STS: variants seen among roughly 807,000 people sequenced by gnomAD.
STS encodes steryl-sulfatase.
STS carries 7 observed loss-of-function variants against 26.8 expected under a neutral mutation model. The ratio of observed to expected loss-of-function variants is 0.26; its 90% CI spans 0.15 to 0.49. The LOEUF is 0.49. Among genes scored for constraint, STS ranks in the 20% least tolerant of loss-of-function variants. STS has a pLI of 0.98. For missense variants in STS, 434 were observed against 465.6 expected (o/e 0.93, Z 0.63); for synonymous variants, 199 against 189.4 (o/e 1.05, Z -0.42).
chrX:7,322,791 A>C (rs1391746835), intron 8 of STS, among the ~76,000 whole-genome samples: 1 of 111,878 alleles, frequency 8.9e-6, no homozygotes, highest in Non-Finnish European at 1.9e-5. Context: ...CCATCTCAAA[A>C]TATGTCAAAG....
At chrX:7,246,447 AC>A (rs1471283621) in intron 2 of STS, among the ~76,000 whole-genome samples, 1 of 92,331 alleles carries the variant, frequency 1.1e-5, no homozygotes, top group Admixed American at 1.3e-4. Context: ...GATTACAGGT[AC>A]CCGCCACCAC....
At chrX:7,219,663 T>C (rs770260858) in intron 2 of STS, 3 of 1,210,243 alleles carry the variant, frequency 2.5e-6, no homozygotes, top group African/African-American at 1.7e-5. Flanking sequence ...AACAACAGGA[T>C]CACAAGCTGG....
intron 7 of STS, among the ~76,000 whole-genome samples, chrX:7,296,335 CTCTATCTTTGCAAG>C (rs1925662413): frequency 8.9e-6 from 1 of 112,341 alleles, no homozygotes. Context: ...ATTACCCAAT[CTCTATCTTTGCAAG>C]AAGAGAAAGT....
At chrX:7,148,762 T>G (rs1011068788) in intron 1 of STS, among the ~76,000 whole-genome samples, 21 of 112,176 alleles carry the variant, frequency 1.9e-4, no homozygotes, top group African/African-American at 6.8e-4. Context: ...CGTGCCTGCA[T>G]CTCTGAGCAT....
intron 2 of STS, among the ~76,000 whole-genome samples, chrX:7,231,352 G>C (rs1482464784): frequency 8.9e-6 from 1 of 112,236 alleles, no homozygotes; most frequent in Admixed American, 9.5e-5. Flanking sequence ...AAACGGTGAA[G>C]TTGATATTAC....
chrX:7,325,501 A>G lies in STS; in HGVS notation c.1241+3A>G. 6 of 1,210,254 alleles carry G rather than the reference A, an allele frequency of 5.0e-6. No individual in the cohort carries two copies. In the South Asian group the frequency reaches 1.1e-4, roughly 21 times the overall value. On this transcript the variant is annotated splice_donor_region_variant and intron_variant, in intron 9 of 10. Transcript: ENST00000674429. ...GGAGCTCCCTTGCCTGAGGACAGGT[A>G]CTCTGATGCCAGGGTGGTTGGTATT... is the stretch of plus-strand genomic sequence containing the variant.
intron 6 of STS, among the ~76,000 whole-genome samples, chrX:7,263,230 A>G (rs1369685683): frequency 1.8e-5 from 2 of 110,688 alleles, no homozygotes; most frequent in African/African-American, 6.6e-5. Flanking sequence ...CACCACGCCC[A>G]GCTAATTTTT....
At chrX:7,282,762 G>A (rs775973644) in intron 7 of STS, among the ~76,000 whole-genome samples, 2 of 112,356 alleles carry the variant, frequency 1.8e-5, no homozygotes, top group East Asian at 2.8e-4. Context: ...TTTTAAAAGT[G>A]AAAGTATGGC....
At chrX:7,243,591 T>C (rs1922722767) in intron 2 of STS, among the ~76,000 whole-genome samples, 1 of 110,634 alleles carries the variant, frequency 9.0e-6, no homozygotes, top group African/African-American at 3.3e-5. Flanking sequence ...TTAAGGAGAG[T>C]TAGGAATGAG....
intron 1 of STS, among the ~76,000 whole-genome samples, chrX:7,169,040 G>A (rs773174148): frequency 7.2e-5 from 8 of 110,472 alleles, no homozygotes; most frequent in Non-Finnish European, 1.5e-4. Context: ...CTGACATATT[G>A]AGTACATTGA....
intron 2 of STS, among the ~76,000 whole-genome samples, chrX:7,227,192 T>C (rs1289536812): frequency 1.8e-5 from 2 of 112,009 alleles, no homozygotes; most frequent in African/African-American, 6.5e-5. Flanking sequence ...ATAAATCCTT[T>C]AAAAAATAAT....
At chrX:7,284,868 T>G (rs1925048503) in intron 7 of STS, among the ~76,000 whole-genome samples, 1 of 112,192 alleles carries the variant, frequency 8.9e-6, no homozygotes, top group African/African-American at 3.2e-5. Context: ...CACTACTGTC[T>G]GGCATTGTGG....
At chrX:7,156,933 G>A (rs1933148010) in intron 1 of STS, among the ~76,000 whole-genome samples, 1 of 111,557 alleles carries the variant, frequency 9.0e-6, no homozygotes, top group Non-Finnish European at 1.9e-5. Flanking sequence ...CAAGGAGGGG[G>A]TCCCCAAACC....
chrX:7,297,257 CTT>C (rs759598036), intron 7 of STS, among the ~76,000 whole-genome samples: 9 of 92,193 alleles, frequency 9.8e-5, no homozygotes, highest in Admixed American at 2.4e-4. Flanking sequence ...TATGTAAGAG[CTT>C]TTTTTTTTTT....
chrX:7,317,869 G>T (rs1257924916), intron 8 of STS, among the ~76,000 whole-genome samples: 3 of 111,863 alleles, frequency 2.7e-5, no homozygotes, highest in African/African-American at 9.7e-5. Flanking sequence ...TACAATCAGA[G>T]TTCTCAGTGG....
At chrX:7,249,405 A>G (rs976532387) in intron 2 of STS, among the ~76,000 whole-genome samples, 7 of 111,706 alleles carry the variant, frequency 6.3e-5, no homozygotes, top group South Asian at 3.7e-4. Flanking sequence ...GTTAAACCCC[A>G]GAGCCCATGA....
intron 2 of STS, among the ~76,000 whole-genome samples, chrX:7,239,532 T>C (rs1443929501): frequency 8.9e-6 from 1 of 112,231 alleles, no homozygotes; most frequent in African/African-American, 3.2e-5. Flanking sequence ...TCTCTAGTTA[T>C]AAAAATGTTC....
At chrX:7,243,915 A>C (rs1236671458) in intron 2 of STS, among the ~76,000 whole-genome samples, 1 of 111,595 alleles carries the variant, frequency 9.0e-6, no homozygotes, top group Non-Finnish European at 1.9e-5. Context: ...AACAACAAAA[A>C]AAGATTAGCC....
intron 10 of STS, among the ~76,000 whole-genome samples, chrX:7,342,421 G>T (rs1928333881): frequency 8.9e-6 from 1 of 111,965 alleles, no homozygotes; most frequent in Admixed American, 9.5e-5. Context: ...CACCCACTTT[G>T]TTCCAGGTTA....
Sources: gnomAD v4.1 joint callset for allele counts (sites outside exome capture counted in the v4.1 genomes callset) on GRCh38, gnomAD v4.1.1 for gene constraint, MANE v1.5 for transcripts, NCBI Gene and HGNC (gene_info 2026-07-23, HGNC 2026-07-21) for gene names.